The following CYRIB variants were observed in gnomAD, a reference collection of about 807,000 sequenced individuals.
CYRIB encodes the protein CYFIP related Rac1 interactor B, also known as CYFIP-related Rac1 interactor B.
CYRIB carries 8 observed loss-of-function variants against 44.2 expected under a neutral mutation model. The observed-to-expected ratio is 0.18, with a 90% CI of 0.11 to 0.33. The LOEUF (loss-of-function observed/expected upper bound fraction) is 0.33. Ranked by LOEUF, CYRIB falls within the 10% of genes least tolerant of loss-of-function variation. The pLI, the probability that CYRIB is intolerant of heterozygous loss-of-function variation, is 1.00. For missense variants in CYRIB, 185 were observed against 382.8 expected (o/e 0.48, Z 4.31); for synonymous variants, 131 against 127.2 (o/e 1.03, Z -0.20).
chr8:130,000,150 A>G (rs1334284709), intron 1 of CYRIB, among the ~76,000 whole-genome samples: 3 of 152,144 alleles, frequency 2.0e-5, no homozygotes, highest in African/African-American at 4.8e-5. Flanking sequence ...CAGCCACAGC[A>G]CCTGACTTAC....
chr8:129,861,611 G>A (rs1269194702), intron 5 of CYRIB, among the ~76,000 whole-genome samples: 2 of 149,228 alleles, frequency 1.3e-5, no homozygotes, highest in East Asian at 3.9e-4. Context: ...GCTTATTTTT[G>A]TTTGTTTGTT....
chr8:129,884,795 CAG>C (rs2062089882), intron 2 of CYRIB, among the ~76,000 whole-genome samples: 1 of 152,118 alleles, frequency 6.6e-6, no homozygotes, highest in African/African-American at 2.4e-5. Context: ...AAATTTAACA[CAG>C]ATTTAATACA....
chr8:129,959,042 C>T (rs1170662671), intron 2 of CYRIB, among the ~76,000 whole-genome samples: 3 of 106,158 alleles, frequency 2.8e-5, no homozygotes, highest in African/African-American at 1.2e-4. Flanking sequence ...CCAGCCTGGG[C>T]AACAGAGACT....
chr8:129,854,839 G>A (rs1209965072), intron 6 of CYRIB, among the ~76,000 whole-genome samples: 1 of 152,162 alleles, frequency 6.6e-6, no homozygotes, highest in Non-Finnish European at 1.5e-5. Flanking sequence ...TAGGGTTACT[G>A]TGGCAGAGTA....
chr8:129,924,682 T>C (rs557403005), intron 1 of CYRIB, among the ~76,000 whole-genome samples: 1 of 152,158 alleles, frequency 6.6e-6, no homozygotes, highest in African/African-American at 2.4e-5. Flanking sequence ...AACTGAAAGA[T>C]CCAGCTGGGC....
chr8:129,909,756 A>AAT (rs765065569), intron 1 of CYRIB, among the ~76,000 whole-genome samples: 16 of 152,214 alleles, frequency 1.1e-4, no homozygotes, highest in Non-Finnish European at 2.2e-4. Flanking sequence ...ACAACTACAC[A>AAT]ATATAGCTCT....
At chr8:129,945,621 G>T (rs989310276) in intron 2 of CYRIB, among the ~76,000 whole-genome samples, 2 of 151,958 alleles carry the variant, frequency 1.3e-5, no homozygotes, top group Non-Finnish European at 2.9e-5. Context: ...CAGGCTGGAG[G>T]GCTGTGACAC....
intron 8 of CYRIB, 67 bp downstream of exon 10, chr8:129,852,095 G>T: frequency 1.1e-6 from 1 of 936,076 alleles, no homozygotes; most frequent in Non-Finnish European, 1.6e-6. Flanking sequence ...TCTTGGGCTT[G>T]CTGACATCAC....
chr8:129,879,635 A>C (rs2060221422), intron 2 of CYRIB, 164 bp from the exon 5 acceptor site: 1 of 585,646 alleles, frequency 1.7e-6, no homozygotes, highest in Non-Finnish European at 3.0e-6. Context: ...CGGGTTCTCA[A>C]GGTGTTGATA....
At chr8:129,950,752 C>T (rs2094461521) in intron 2 of CYRIB, among the ~76,000 whole-genome samples, 1 of 152,086 alleles carries the variant, frequency 6.6e-6, no homozygotes, top group African/African-American at 2.4e-5. Flanking sequence ...TGGTATAAAG[C>T]TGCCCACTGC....
At chr8:129,976,816 GTGT>G (rs959565900) in intron 1 of CYRIB, among the ~76,000 whole-genome samples, 5 of 151,988 alleles carry the variant, frequency 3.3e-5, no homozygotes, top group Non-Finnish European at 7.4e-5. Context: ...GTGTGTTTAT[GTGT>G]TGTTGTTTTT....
At chr8:129,977,939 T>C (rs1411453918) in intron 1 of CYRIB, among the ~76,000 whole-genome samples, 1 of 151,582 alleles carries the variant, frequency 6.6e-6, no homozygotes, top group African/African-American at 2.4e-5. Context: ...AATAGAATCT[T>C]GCTCTGTCAC....
At chr8:130,006,329 T>G (rs1437137118) in intron 1 of CYRIB, among the ~76,000 whole-genome samples, 1 of 149,932 alleles carries the variant, frequency 6.7e-6, no homozygotes, top group Non-Finnish European at 1.5e-5. Context: ...AAAAAGAATC[T>G]GGCTTGCCGG....
intron 1 of CYRIB, among the ~76,000 whole-genome samples, chr8:129,980,227 C>CAAAAAA (rs58630436): frequency 1.7e-4 from 16 of 91,632 alleles, no homozygotes; most frequent in Admixed American, 2.3e-4. Flanking sequence ...GACTCCATCT[C>CAAAAAA]AAAAAAAAAA....
intron 2 of CYRIB, among the ~76,000 whole-genome samples, chr8:129,963,828 G>A (rs16904181): frequency 0.42 from 64,508 of 152,132 alleles, 16,007 homozygotes; most frequent in African/African-American, 0.68. Context: ...TGCAGATAAT[G>A]GAACGCTCTT....
intron 11 of CYRIB, 21 bp downstream of exon 13, chr8:129,846,783 C>T (rs772318112): frequency 7.8e-6 from 12 of 1,537,170 alleles, no homozygotes; most frequent in African/African-American, 2.8e-5. Context: ...TCTGTACATA[C>T]GTACACGTAC....
intron 1 of CYRIB, among the ~76,000 whole-genome samples, chr8:129,905,182 T>G (rs1032436596): frequency 6.7e-6 from 1 of 149,206 alleles, no homozygotes; most frequent in African/African-American, 2.4e-5. Flanking sequence ...AGACAGAGTC[T>G]CACTCTGTCA....
intron 8 of CYRIB, chr8:129,851,147 G>A (rs1385188534): frequency 4.1e-6 from 2 of 492,532 alleles, no homozygotes; most frequent in East Asian, 7.5e-5. Flanking sequence ...TTCCAGCAAT[G>A]TAAGAACAAC....
At chr8:129,918,031 T>A (rs964780490) in intron 1 of CYRIB, among the ~76,000 whole-genome samples, 2 of 152,170 alleles carry the variant, frequency 1.3e-5, no homozygotes, top group Admixed American at 6.5e-5. Flanking sequence ...TTACTTCATT[T>A]TCACGTGTTT....
Sources: allele counts gnomAD v4.1 joint callset (sites outside exome capture counted in the v4.1 genomes callset), GRCh38; gene constraint gnomAD v4.1.1; transcripts MANE v1.5; gene names NCBI Gene and HGNC (gene_info 2026-07-23, HGNC 2026-07-21).